Variants in CATSPERE observed in about 807,000 individuals in gnomAD.
The protein encoded by CATSPERE is cation channel sperm-associated auxiliary subunit epsilon.
In CATSPERE, 93 loss-of-function variants were observed where a neutral mutation model predicts 114.1. The observed-to-expected ratio is 0.81, with a 90% confidence interval of 0.69 to 0.97. CATSPERE has a LOEUF of 0.97. CATSPERE is among the 50% of genes least tolerant of loss of function. The pLI, the probability that CATSPERE is intolerant of heterozygous loss-of-function variation, is 0.00. For missense variants in CATSPERE, 1,058 were observed against 1,131.6 expected (o/e 0.93, Z 0.93); for synonymous variants, 341 against 384.1 (o/e 0.89, Z 1.31).
At chr1:244,610,655 CTGAAAAAT>C in intron 19 of CATSPERE, 1 of 278,706 alleles carries the variant, frequency 3.6e-6, no homozygotes. Context: ...CAGGTCTTTA[CTGAAAAAT>C]CAAGTTGTCA....
chr1:244,470,239 A>G (rs939994616), intron 2 of CATSPERE, among the ~76,000 whole-genome samples: 1 of 152,242 alleles, frequency 6.6e-6, no homozygotes, highest in Non-Finnish European at 1.5e-5. Context: ...CAAGAAAGTG[A>G]AGACAATTCA....
chr1:244,582,824 T>G (rs1005157228), intron 12 of CATSPERE, among the ~76,000 whole-genome samples: 57 of 152,136 alleles, frequency 3.7e-4, no homozygotes, highest in Admixed American at 3.7e-3. Context: ...TCTAGTGTCA[T>G]GGAACCCATT....
intron 2 of CATSPERE, among the ~76,000 whole-genome samples, chr1:244,475,756 C>T (rs1041338572): frequency 3.3e-5 from 5 of 150,722 alleles, no homozygotes; most frequent in South Asian, 4.2e-4. Context: ...AGGATGGTCT[C>T]GATCTCCTGA....
chr1:244,531,168 G>A (rs190651966), intron 8 of CATSPERE, among the ~76,000 whole-genome samples: 246 of 151,318 alleles, frequency 1.6e-3, no homozygotes, highest in African/African-American at 5.2e-3. Context: ...TCCAGGAGGC[G>A]GAGGTTGCAG....
intron 13 of CATSPERE, among the ~76,000 whole-genome samples, chr1:244,586,690 T>C (rs1011575989): frequency 2.6e-5 from 4 of 152,234 alleles, no homozygotes; most frequent in African/African-American, 9.6e-5. Context: ...CCCTAAGTCC[T>C]TCTTATACGG....
chr1:244,474,117 C>G lies in CATSPERE; in HGVS notation c.115-3424C>G, dbSNP rs760002543. Among the ~76,000 whole-genome samples the G allele has an allele frequency of 2.0e-5, 3 of 152,034 alleles. No individual in the cohort carries two copies. The South Asian group carries it at 6.2e-4, about 32-fold the overall frequency. On this transcript the variant is annotated intron_variant, in intron 2 of 21. Transcript: ENST00000366534. ...CGTGATCTCGACTCACTGCAACCTC[C>G]GACTCCCAGGTTCAAGCAATTCTCT...
chr1:244,628,461 A>C (rs1225805362), intron 20 of CATSPERE, among the ~76,000 whole-genome samples: 1 of 152,120 alleles, frequency 6.6e-6, no homozygotes. Context: ...TCAGGTGGTA[A>C]AGTAAGAGCT....
intron 2 of CATSPERE, among the ~76,000 whole-genome samples, chr1:244,473,357 C>G (rs1430474199): frequency 6.6e-6 from 1 of 152,018 alleles, no homozygotes; most frequent in South Asian, 2.1e-4. Context: ...TAATGACATA[C>G]GATGTGGAGA....
upstream of CATSPERE, chr1:244,451,960 C>T: frequency 2.4e-6 from 2 of 834,796 alleles, no homozygotes; most frequent in Non-Finnish European, 3.5e-6. This position sits in a 1 kb window ranked among gnomAD's most constrained non-coding sequence, Gnocchi z 6.6. Context: ...GGCCGCCACC[C>T]TCCAGCCAGT....
chr1:244,541,463 T>G (rs1658716541), intron 8 of CATSPERE, among the ~76,000 whole-genome samples: 1 of 149,226 alleles, frequency 6.7e-6, no homozygotes, highest in South Asian at 2.2e-4. Flanking sequence ...TGAGATACCA[T>G]CTCACACCAG....
chr1:244,523,366 C>T (rs1677943546), intron 8 of CATSPERE, among the ~76,000 whole-genome samples: 1 of 143,350 alleles, frequency 7.0e-6, no homozygotes, highest in South Asian at 2.2e-4. Flanking sequence ...TATGACAAAG[C>T]CACAGCCAAT....
chr1:244,560,577 A>G, intron 9 of CATSPERE, 91 bp from the exon 10 acceptor site: 1 of 738,564 alleles, frequency 1.4e-6, no homozygotes, highest in East Asian at 3.3e-5. Flanking sequence ...TTAAAAAAAT[A>G]AAAAATAAAA....
chr1:244,489,596 GGCATGGAAACTATGT>G (rs1671636837), intron 5 of CATSPERE, among the ~76,000 whole-genome samples: 1 of 151,302 alleles, frequency 6.6e-6, no homozygotes, highest in Non-Finnish European at 1.5e-5. Flanking sequence ...AGAGGAAGGC[GGCATGGAAACTATGT>G]GCAGGAGTGA....
chr1:244,518,740 C>T, intron 8 of CATSPERE, 42 bp downstream of exon 8: 1 of 1,054,148 alleles, frequency 9.5e-7, no homozygotes, highest in Non-Finnish European at 1.4e-6. Flanking sequence ...AATATGAAAA[C>T]TTAAACTAGA....
chr1:244,639,563 T>A (rs780489026), intron 21 of CATSPERE, among the ~76,000 whole-genome samples: 4 of 151,864 alleles, frequency 2.6e-5, no homozygotes, highest in South Asian at 2.1e-4. Flanking sequence ...GGTGGTGCCC[T>A]CCTGTAATCC....
Position 244,610,321 on chromosome 1 carries a change from C to G in CATSPERE, c.2485C>G (p.Pro829Ala). The G allele has an allele frequency of 6.2e-7, 1 of 1,606,006 alleles. No individual in the cohort carries two copies. The highest frequency in any genetic ancestry group is 8.5e-7 in the Non-Finnish European group (1 of 1,173,062). ...CCTCCCACTAGAAGAAGTCTGGGGA[C>G]CTGAGGTAAGAGAAACATTACCTTC... The part of the protein sequence containing the change: ...KHLPLEEVWG[P>A]ENYKHCFSYA... The change falls in exon 19 of 22, where the codon CCT becomes GCT. Residue 829 changes from proline to alanine, a missense_variant. Physicochemically the swap from Pro to Ala is conservative, Grantham distance 27. Transcript: ENST00000366534.
chr1:244,519,170 AAAGT>A (rs1379551363), intron 8 of CATSPERE, among the ~76,000 whole-genome samples: 1 of 152,202 alleles, frequency 6.6e-6, no homozygotes, highest in Non-Finnish European at 1.5e-5. Context: ...ACTAAAGGAT[AAAGT>A]ACCTGCCTTC....
intron 11 of CATSPERE, among the ~76,000 whole-genome samples, chr1:244,574,287 C>T (rs1313518443): frequency 6.6e-6 from 1 of 152,040 alleles, no homozygotes; most frequent in African/African-American, 2.4e-5. Flanking sequence ...ACAGATATCT[C>T]GGTTAAAGTA....
At chr1:244,580,377 A>G (rs1250454424) in intron 11 of CATSPERE, among the ~76,000 whole-genome samples, 2 of 152,088 alleles carry the variant, frequency 1.3e-5, no homozygotes, top group Non-Finnish European at 2.9e-5. Flanking sequence ...TTGAGGCTCA[A>G]TGAAGTACAA....
Sources: allele counts gnomAD v4.1 joint callset (sites outside exome capture counted in the v4.1 genomes callset), GRCh38; gene constraint gnomAD v4.1.1; non-coding constraint Gnocchi (gnomAD v3.1); transcripts MANE v1.5; gene names NCBI Gene and HGNC (gene_info 2026-07-23, HGNC 2026-07-21).